Variants in N4BP2 observed in about 807,000 individuals in gnomAD.
N4BP2 encodes NEDD4-binding protein 2.
Under a neutral mutation model 152.8 loss-of-function variants are expected in N4BP2, and 91 were observed. The ratio of observed to expected loss-of-function variants is 0.60; its 90% CI spans 0.50 to 0.71. The LOEUF is 0.71. Ranked by LOEUF, N4BP2 falls within the 30% of genes least tolerant of loss-of-function variation. The probability of loss-of-function intolerance (pLI) is 0.00; values close to 1 mark genes in which losing one functional copy is unlikely to be tolerated. For synonymous variants in N4BP2, 646 were observed against 705.3 expected, an observed-to-expected ratio of 0.92 and a Z score of 1.33; for missense variants, 1,923 against 2,059.1, an observed-to-expected ratio of 0.93 and a Z score of 1.28.
intron 1 of N4BP2, among the ~76,000 whole-genome samples, chr4:40,070,912 T>C (rs1433537967): frequency 6.6e-6 from 1 of 151,690 alleles, no homozygotes; most frequent in Non-Finnish European, 1.5e-5. Context: ...GCAACCTCCT[T>C]CTCCTGAGTT....
downstream of N4BP2, among the ~76,000 whole-genome samples, chr4:40,161,164 G>A (rs1453284423): frequency 6.6e-6 from 1 of 152,174 alleles, no homozygotes; most frequent in Non-Finnish European, 1.5e-5. Flanking sequence ...AATTGAATTG[G>A]TAGAGGTCTT....
At chr4:40,058,211 C>A (rs1313751725) in intron 1 of N4BP2, among the ~76,000 whole-genome samples, 1 of 152,172 alleles carries the variant, frequency 6.6e-6, no homozygotes, top group African/African-American at 2.4e-5. Context: ...GTTTTTCTTT[C>A]AAACACCAGC....
In N4BP2 at chr4:40,137,011, G is replaced by T. The variant is rs572893305; in HGVS notation, c.4714G>T (p.Val1572Leu). Residue 1572 changes from valine (V) to leucine (L), a missense_variant, in exon 14 of 18, where the codon GTA becomes TTA. By Grantham distance (32) the Val-to-Leu change is conservative. Coordinates refer to ENST00000261435, the MANE Select transcript of N4BP2 (RefSeq NM_018177.6). Reference protein sequence around the residue: ...VLEGDPVKTVVAQEFVHQNEN... With the variant: ...VLEGDPVKTVLAQEFVHQNEN... ...TGAAGGGGACCCTGTAAAAACAGTT[G>T]TAGCCCAAGAGTTTGTTCACCAAAA... is the stretch of plus-strand genomic sequence containing the variant. 8.3e-5 allele frequency: 134 copies of T among 1,613,688 alleles called. 2 individuals are homozygous for T. The South Asian group carries it at 1.4e-3, about 17-fold the overall frequency.
At chr4:40,095,787 T>C (rs976003865) in intron 2 of N4BP2, among the ~76,000 whole-genome samples, 1 of 152,162 alleles carries the variant, frequency 6.6e-6, no homozygotes, top group African/African-American at 2.4e-5. Flanking sequence ...CGTGCAGATA[T>C]CTTGAGGAAG....
At chr4:40,078,298 C>T (rs775127459) in intron 2 of N4BP2, among the ~76,000 whole-genome samples, 7 of 152,004 alleles carry the variant, frequency 4.6e-5, no homozygotes, top group South Asian at 2.1e-4. Flanking sequence ...CCACCATGGC[C>T]GGCTACTTTT....
At chr4:40,136,833 G>A (rs1358143618) in intron 13 of N4BP2, 111 bp from the exon 14 acceptor site, 3 of 761,586 alleles carry the variant, frequency 3.9e-6, no homozygotes, top group African/African-American at 1.8e-5. Context: ...AAACTTAAAA[G>A]TAAGCCAGTT....
At position 40,154,289 on chromosome 4, in the gene N4BP2, T is replaced by C; in HGVS notation, c.*52T>C. On this transcript the variant is annotated 3_prime_UTR_variant, in exon 18 of 18. Coordinates refer to ENST00000261435, the MANE Select transcript of N4BP2 (RefSeq NM_018177.6). ...GAAGGTTTGTAGGTTAAAATTACTT[T>C]TATTTGCAGTAATTCAGTCAATTCT... The C allele has an allele frequency of 8.4e-7, 1 of 1,184,278 alleles. No individual in the cohort carries two copies. 73.4% of individuals were successfully genotyped at this position (1,184,278 alleles called of 1,614,324 possible).
intron 16 of N4BP2, among the ~76,000 whole-genome samples, chr4:40,147,309 T>G (rs1166058013): frequency 6.6e-6 from 1 of 152,250 alleles, no homozygotes; most frequent in Non-Finnish European, 1.5e-5. Flanking sequence ...CCACGTCTAC[T>G]TCTTTCTACA....
At chr4:40,101,670 A>G (rs1162336381) in intron 3 of N4BP2, among the ~76,000 whole-genome samples, 3 of 152,222 alleles carry the variant, frequency 2.0e-5, no homozygotes, top group Non-Finnish European at 4.4e-5. Context: ...CTAAGAGAAT[A>G]CATAAAATAC....
In N4BP2 at chr4:40,135,818, C is replaced by T. The variant is rs377710600; in HGVS notation, c.4647-1126C>T. The stretch of plus-strand genomic sequence containing the variant: ...CTGACCTCAGGTGATCCACCTGCCT[C>T]GGCCTCCCAAAGTGTTGGGATTACA... On this transcript the variant is annotated intron_variant, in intron 13 of 17. Transcript: ENST00000261435. 1.1e-4 allele frequency among the ~76,000 whole-genome samples: 17 copies of T among 152,294 alleles called. No individual in the cohort carries two copies. The East Asian group carries it at 1.4e-3, about 12-fold the overall frequency.
intron 12 of N4BP2, among the ~76,000 whole-genome samples, chr4:40,129,811 A>G (rs1718759370): frequency 6.6e-6 from 1 of 152,080 alleles, no homozygotes; most frequent in African/African-American, 2.4e-5. Flanking sequence ...TTTGTCCCCA[A>G]AGGAGAAATA....
At chr4:40,135,566 CTTTCT>C (rs368321382) in intron 13 of N4BP2, among the ~76,000 whole-genome samples, 2 of 152,090 alleles carry the variant, frequency 1.3e-5, no homozygotes, top group African/African-American at 4.8e-5. Context: ...GTCTTTCTTT[CTTTCT>C]TTTCTTTCTT....
the N4BP2 span, among the ~76,000 whole-genome samples, chr4:40,186,244 C>T: frequency 1.4e-5 from 2 of 147,676 alleles, no homozygotes; most frequent in Non-Finnish European, 3.0e-5. Flanking sequence ...CTATGCTTAG[C>T]TGTGGTTCAG....
chr4:40,084,282 G>T (rs796768120), intron 2 of N4BP2, among the ~76,000 whole-genome samples: 13 of 152,286 alleles, frequency 8.5e-5, no homozygotes, highest in African/African-American at 2.6e-4. Context: ...AGGATTTGCT[G>T]AATGATGAGG....
At chr4:40,179,953 A>C in the N4BP2 span, among the ~76,000 whole-genome samples, 12 of 151,838 alleles carry the variant, frequency 7.9e-5, no homozygotes, top group African/African-American at 2.7e-4. Context: ...TAGTAGAGAC[A>C]GGGTTTCTCC....
At chr4:40,061,054 A>G (rs968785561) in intron 1 of N4BP2, among the ~76,000 whole-genome samples, 3 of 151,846 alleles carry the variant, frequency 2.0e-5, no homozygotes, top group African/African-American at 4.8e-5. Context: ...GGCTCAAGCA[A>G]TCCTCCCACC....
intron 2 of N4BP2, among the ~76,000 whole-genome samples, chr4:40,087,288 G>A (rs1714071540): frequency 6.6e-6 from 1 of 151,792 alleles, no homozygotes; most frequent in South Asian, 2.1e-4. Context: ...TTTTTTTAAA[G>A]GAGGGGAAGC....
At chr4:40,078,350 C>T (rs2109912184) in intron 2 of N4BP2, among the ~76,000 whole-genome samples, 1 of 151,988 alleles carries the variant, frequency 6.6e-6, no homozygotes, top group East Asian at 1.9e-4. Flanking sequence ...GTTGGCCAGG[C>T]AGGTCTTGAA....
rs1721440451 is a variant in N4BP2, at chr4:40,154,514, CTGAT to C, written c.*280_*283del. The stretch of plus-strand genomic sequence containing the variant: ...CTACAGTTTTAAAGTTTAAAATGCT[CTGAT>C]TGTTTCTCAGAAAAGGTTACCTTTG... On this transcript the variant is annotated 3_prime_UTR_variant, in exon 18 of 18. Transcript: ENST00000261435. 9.4e-6 allele frequency: 3 copies of C among 317,500 alleles called. No homozygotes were observed. Among genetic ancestry groups the C allele is most frequent in the Non-Finnish European group, 1.7e-5 (3 of 174,096 alleles). The allele number at this position is 317,500 out of a possible 1,614,324, so 19.7% of individuals were successfully genotyped here.
Sources: gnomAD v4.1 joint callset for allele counts (sites outside exome capture counted in the v4.1 genomes callset) on GRCh38, gnomAD v4.1.1 for gene constraint, MANE v1.5 for transcripts, NCBI Gene and HGNC (gene_info 2026-07-23, HGNC 2026-07-21) for gene names.